The following NINJ1 variants were observed in gnomAD, a reference collection of about 807,000 sequenced individuals.
NINJ1 encodes the protein ninjurin 1.
In NINJ1, 6 loss-of-function variants were observed where a neutral mutation model predicts 12.7. That is an observed-to-expected ratio of 0.47 (90% confidence interval 0.26 to 0.93). NINJ1 has a LOEUF of 0.93. Among genes scored for constraint, NINJ1 ranks in the 40% least tolerant of loss-of-function variants. The pLI is 0.15. For synonymous variants in NINJ1, 100 were observed against 96.0 expected, an observed-to-expected ratio of 1.04 and a Z score of -0.25; for missense variants, 170 against 213.0, an observed-to-expected ratio of 0.80 and a Z score of 1.26.
At chr9:93,128,339 G>A (rs1564219849) in intron 1 of NINJ1, among the ~76,000 whole-genome samples, 1 of 152,224 alleles carries the variant, frequency 6.6e-6, no homozygotes, top group South Asian at 2.1e-4. Context: ...CACCAAGTGA[G>A]AGGCTGTGTT....
chr9:93,125,061 G>A lies in NINJ1; in HGVS notation c.306C>T (p.Val102=), dbSNP rs778263533. The part of the protein sequence containing the change: ...IGVGVLLIFL[V]KYDLNNPAKH... ...TGGCCGGGTTGTTAAGGTCGTACTTGACTGTGGGCGAGAGAGGAGTGGATG... is the reference window on the plus strand; with the variant it reads ...TGGCCGGGTTGTTAAGGTCGTACTTAACTGTGGGCGAGAGAGGAGTGGATG... The change falls in exon 3 of 4, where the codon GTC becomes GTT. Residue 102 remains valine (V), a splice_region_variant and synonymous_variant. Transcript: ENST00000375446. 3.2e-5 allele frequency: 52 copies of A among 1,610,364 alleles called. No individual in the cohort carries two copies. In the South Asian group the frequency reaches 4.5e-4, roughly 14 times the overall value.
intron 1 of NINJ1, among the ~76,000 whole-genome samples, chr9:93,129,741 C>T (rs1827863938): frequency 6.6e-6 from 1 of 152,188 alleles, no homozygotes; most frequent in African/African-American, 2.4e-5. Flanking sequence ...TGTCCCAAAG[C>T]ATAGGGCTGC....
At chr9:93,125,900 A>T (rs1827803905) in intron 2 of NINJ1, 1 of 116,086 alleles carries the variant, frequency 8.6e-6, no homozygotes, top group Non-Finnish European at 1.9e-5. Context: ...TTTCAAAAAC[A>T]AAACAAAACA....
intron 2 of NINJ1, chr9:93,125,353 G>A (rs761404053): frequency 9.4e-5 from 24 of 256,244 alleles, no homozygotes; most frequent in Non-Finnish European, 1.7e-4. Flanking sequence ...CAAAGGCCAG[G>A]TTTGGGCAAA....
chr9:93,129,469 C>T (rs1312216589), intron 1 of NINJ1, among the ~76,000 whole-genome samples: 1 of 152,212 alleles, frequency 6.6e-6, no homozygotes, highest in Non-Finnish European at 1.5e-5. Context: ...GCACTTCCAG[C>T]CCATCCGGCC....
chr9:93,133,766 C>A (rs1026473570), intron 1 of NINJ1, among the ~76,000 whole-genome samples: 7 of 152,270 alleles, frequency 4.6e-5, no homozygotes, highest in African/African-American at 1.2e-4. Context: ...GCCGGCACGG[C>A]GAGGCTGAAG....
At position 93,126,424 on chromosome 9, in the gene NINJ1, A is replaced by G. The variant is rs947622622; in HGVS notation, c.290T>C (p.Leu97Pro). 1.2e-6 allele frequency: 2 copies of G among 1,613,186 alleles called. No homozygotes were observed. The highest frequency in any genetic ancestry group is 1.7e-6 in the Non-Finnish European group (2 of 1,179,400). ...TGGGGACCTACCAAGGAAGATGAGC[A>G]GCACCCCCACGCCGATCTGCAGCAC... ...SLVLQIGVGV[L>P]LIFLVKYDLN... Residue 97 changes from leucine to proline, a missense_variant, in exon 2 of 4, where the codon CTG (leucine) becomes CCG (proline). Coordinates refer to ENST00000375446, the MANE Select transcript of NINJ1 (RefSeq NM_004148.4).
intron 3 of NINJ1, among the ~76,000 whole-genome samples, chr9:93,124,310 T>G (rs984820651): frequency 2.0e-5 from 3 of 152,222 alleles, no homozygotes; most frequent in African/African-American, 4.8e-5. Context: ...AGTCTCACTC[T>G]GTCGCTCAGG....
intron 1 of NINJ1, among the ~76,000 whole-genome samples, chr9:93,133,538 A>T (rs1254563637): frequency 6.6e-6 from 1 of 152,172 alleles, no homozygotes; most frequent in African/African-American, 2.4e-5. Flanking sequence ...CAAGTTCTGG[A>T]GGGCCGGTGG....
intron 1 of NINJ1, among the ~76,000 whole-genome samples, chr9:93,132,052 G>A (rs1296344955): frequency 6.6e-6 from 1 of 152,148 alleles, no homozygotes; most frequent in Non-Finnish European, 1.5e-5. Context: ...CTGGCTCTAA[G>A]CACTTCATAT....
At chr9:93,127,100 G>A (rs919039220) in intron 1 of NINJ1, among the ~76,000 whole-genome samples, 2 of 152,098 alleles carry the variant, frequency 1.3e-5, no homozygotes, top group Admixed American at 6.5e-5. Context: ...CTCCTGGGCC[G>A]GACCTAAGGG....
At chr9:93,126,939 G>A (rs1390209013) in intron 1 of NINJ1, among the ~76,000 whole-genome samples, 2 of 152,082 alleles carry the variant, frequency 1.3e-5, no homozygotes, top group African/African-American at 2.4e-5. Flanking sequence ...TCCTGCCATA[G>A]GCGGGGCTGC....
At chr9:93,131,898 A>G (rs1238946969) in intron 1 of NINJ1, among the ~76,000 whole-genome samples, 2 of 152,122 alleles carry the variant, frequency 1.3e-5, no homozygotes, top group African/African-American at 4.8e-5. Flanking sequence ...ATTTTACAGA[A>G]AAGGAAACTG....
At chr9:93,133,799 G>A (rs79379262) in intron 1 of NINJ1, among the ~76,000 whole-genome samples, 18,755 of 145,402 alleles carry the variant, frequency 0.13, 2,437 homozygotes, top group African/African-American at 0.34. Context: ...GCGCGAGAGT[G>A]GGGGGGAGGT....
chr9:93,133,347 C>G (rs1481280534), intron 1 of NINJ1, among the ~76,000 whole-genome samples: 1 of 152,252 alleles, frequency 6.6e-6, no homozygotes, highest in African/African-American at 2.4e-5. Context: ...CTGCCCCCAT[C>G]CCTGAGGGGG....
In NINJ1 at chr9:93,126,644, G is replaced by C. The variant is rs1410131554; in HGVS notation, c.76-6C>G. The C allele has an allele frequency of 6.3e-7, 1 of 1,592,704 alleles. No homozygotes were observed. ...CTCCAGCCCCAGCGGGCCGGCTGCA[G>C]GGAGGGGAATGGTCAGCAAGGCGGG... On this transcript the variant is annotated splice_region_variant and splice_polypyrimidine_tract_variant and intron_variant, in intron 1 of 3. Transcript: ENST00000375446.
At chr9:93,122,435 C>G (rs113080913) in intron 3 of NINJ1, among the ~76,000 whole-genome samples, 2 of 135,124 alleles carry the variant, frequency 1.5e-5, no homozygotes, top group African/African-American at 2.8e-5. Flanking sequence ...AGAGGAGAGG[C>G]TCTGAGCCTG....
chr9:93,126,362 G>A (rs1411989229), intron 2 of NINJ1, 48 bp downstream of exon 2: 1 of 1,535,308 alleles, frequency 6.5e-7, no homozygotes, highest in Non-Finnish European at 8.9e-7. Flanking sequence ...GCGAGCAGAT[G>A]CCAGCAAGGT....
intron 2 of NINJ1, 86 bp from the exon 3 acceptor site, chr9:93,125,148 G>C: frequency 7.2e-7 from 1 of 1,381,984 alleles, no homozygotes; most frequent in South Asian, 1.4e-5. Flanking sequence ...ACCCACCCCA[G>C]CGGTCAAGCT....
Sources: allele counts gnomAD v4.1 joint callset (sites outside exome capture counted in the v4.1 genomes callset), GRCh38; gene constraint gnomAD v4.1.1; transcripts MANE v1.5; gene names NCBI Gene and HGNC (gene_info 2026-07-23, HGNC 2026-07-21).